The following MACROH2A2 variants were observed in gnomAD, a reference collection of about 807,000 sequenced individuals.
MACROH2A2 encodes the protein core histone macro-H2A.2.
MACROH2A2 carries 6 observed loss-of-function variants against 37.6 expected under a neutral mutation model. The ratio of observed to expected loss-of-function variants is 0.16; its 90% CI spans 0.09 to 0.32. MACROH2A2 has a LOEUF of 0.32. MACROH2A2 is among the 10% of genes least tolerant of loss of function. The pLI is 1.00. For missense variants in MACROH2A2, 290 were observed against 485.9 expected (o/e 0.60, Z 3.79); for synonymous variants, 192 against 202.7 (o/e 0.95, Z 0.45).
At chr10:70,108,311 A>G (rs2072349886) in intron 7 of MACROH2A2, among the ~76,000 whole-genome samples, 1 of 152,212 alleles carries the variant, frequency 6.6e-6, no homozygotes, top group South Asian at 2.1e-4. Flanking sequence ...AGACAACACA[A>G]ATTTGTCTTC....
chr10:70,059,411 C>T (rs1589829662), intron 1 of MACROH2A2, among the ~76,000 whole-genome samples: 2 of 150,566 alleles, frequency 1.3e-5, no homozygotes, highest in African/African-American at 2.4e-5. Context: ...CTCACTCTGT[C>T]ACCCAGGCTG....
intron 1 of MACROH2A2, among the ~76,000 whole-genome samples, chr10:70,068,783 T>G (rs1564541237): frequency 1.3e-5 from 2 of 152,228 alleles, no homozygotes; most frequent in Non-Finnish European, 2.9e-5. Context: ...TTCTGTGGGT[T>G]TGTTGATTGC....
chr10:70,077,190 T>A (rs545000479), intron 2 of MACROH2A2, among the ~76,000 whole-genome samples: 2 of 152,244 alleles, frequency 1.3e-5, no homozygotes, highest in African/African-American at 2.4e-5. Context: ...ATGATGCTGC[T>A]GGTCCAGGGA....
At chr10:70,081,788 T>C (rs1244303234) in intron 2 of MACROH2A2, among the ~76,000 whole-genome samples, 4 of 152,116 alleles carry the variant, frequency 2.6e-5, no homozygotes, top group Non-Finnish European at 5.9e-5. Context: ...AAATGTAAAA[T>C]GGTGCAGCCT....
intron 5 of MACROH2A2, among the ~76,000 whole-genome samples, chr10:70,094,139 C>G (rs2136637134): frequency 6.6e-6 from 1 of 151,000 alleles, no homozygotes; most frequent in South Asian, 2.1e-4. Context: ...TTCCCCACAC[C>G]CCAGTTATTT....
At chr10:70,095,240 C>T (rs2072267916) in intron 5 of MACROH2A2, among the ~76,000 whole-genome samples, 2 of 152,036 alleles carry the variant, frequency 1.3e-5, no homozygotes, top group African/African-American at 2.4e-5. Flanking sequence ...TGGTGGCGGG[C>T]GCCTGTAGTC....
intron 7 of MACROH2A2, among the ~76,000 whole-genome samples, chr10:70,101,245 C>T (rs1007738573): frequency 1.1e-4 from 16 of 152,292 alleles, no homozygotes; most frequent in South Asian, 1.0e-3. Context: ...AAAGGGCAAG[C>T]GCATGATCTA....
At chr10:70,111,017 C>A (rs1466591382) in intron 8 of MACROH2A2, among the ~76,000 whole-genome samples, 1 of 152,156 alleles carries the variant, frequency 6.6e-6, no homozygotes, top group African/African-American at 2.4e-5. Context: ...ACCTGTAATC[C>A]CAGCACTTTG....
rs565441971 is a variant in MACROH2A2, at chr10:70,070,224, C to T, written c.-59-5376C>T. ...GGCAGGCATAGAGGACTCTCCAGTC[C>T]TGCTTAAAATACATGCATAAGTCAG... On this transcript the variant is annotated intron_variant, in intron 1 of 8. Coordinates refer to ENST00000373255, the MANE Select transcript of MACROH2A2 (RefSeq NM_018649.3). 4.5e-4 allele frequency among the ~76,000 whole-genome samples: 68 copies of T among 152,246 alleles called. 1 individual carries two copies. In the South Asian group the frequency reaches 7.7e-3, roughly 17 times the overall value.
chr10:70,053,933 C>T lies in MACROH2A2; in HGVS notation c.-60+933C>T, dbSNP rs886890419. ...CGCCGTGCGTATCGCTCGCGGGGCG[C>T]GGCGGTTGGGGACCAGCCCTGCCTC... On this transcript the variant is annotated intron_variant, in intron 1 of 8. Coordinates refer to ENST00000373255, the MANE Select transcript of MACROH2A2 (RefSeq NM_018649.3). The surrounding 1 kb of genome is among the most constrained non-coding windows in gnomAD (Gnocchi z 4.8). Among the ~76,000 whole-genome samples the T allele has an allele frequency of 2.0e-5, 3 of 152,208 alleles. No individual in the cohort carries two copies. The highest frequency in any genetic ancestry group is 7.2e-5 in the African/African-American group (3 of 41,462).
intron 7 of MACROH2A2, among the ~76,000 whole-genome samples, chr10:70,104,256 C>G (rs891143191): frequency 6.6e-6 from 1 of 151,874 alleles, no homozygotes; most frequent in Non-Finnish European, 1.5e-5. Context: ...AATAGGAGGC[C>G]CCACATAAAG....
At position 70,075,756 on chromosome 10, in the gene MACROH2A2, A is replaced by G; in HGVS notation, c.98A>G (p.Lys33Arg). The G allele has an allele frequency of 6.2e-7, 1 of 1,614,108 alleles. No homozygotes were observed. Among genetic ancestry groups the G allele is most frequent in the Non-Finnish European group, 8.5e-7 (1 of 1,180,000 alleles). Reference protein sequence around the residue: ...FPVGRLMRYLKKGTFKYRISV... With the variant: ...FPVGRLMRYLRKGTFKYRISV... ...GTGGGGAGGCTGATGCGTTATCTGA[A>G]GAAAGGGACGTTCAAGTACCGGATC... The change falls in exon 2 of 9, where the codon AAG becomes AGG. Residue 33 changes from lysine (K) to arginine (R), a missense_variant. This residue lies in a region of MACROH2A2 where 83 missense variants were observed against 159.9 expected (regional missense o/e 0.52). Coordinates refer to ENST00000373255, the MANE Select transcript of MACROH2A2 (RefSeq NM_018649.3). This position sits in a 1 kb window ranked among gnomAD's most constrained non-coding sequence, Gnocchi z 5.0.
At chr10:70,092,402 G>A (rs963477005) in intron 4 of MACROH2A2, among the ~76,000 whole-genome samples, 21 of 152,200 alleles carry the variant, frequency 1.4e-4, no homozygotes, top group African/African-American at 5.1e-4. Context: ...CACTGCACTC[G>A]AGCCTCGGTG....
At position 70,111,926 on chromosome 10, in the gene MACROH2A2, T is replaced by A. The variant is rs958056674; in HGVS notation, c.*243T>A. The A allele has an allele frequency of 2.9e-6, 1 of 339,956 alleles. No homozygotes were observed. Among genetic ancestry groups the A allele is most frequent in the Non-Finnish European group, 5.3e-6 (1 of 189,238 alleles). The allele number at this position is 339,956 out of a possible 1,614,324, so 21.1% of individuals were successfully genotyped here. A position where few individuals can be genotyped will look rare whatever the true frequency, so the allele number is the denominator to read the frequency against. Reference sequence around the variant, plus strand: ...TCCTCCTGTTGTTTTAGAACTTTTTTAAAAAAACAGACCTCGTTTTAGATT... The same window carrying A: ...TCCTCCTGTTGTTTTAGAACTTTTTAAAAAAAACAGACCTCGTTTTAGATT... On this transcript the variant is annotated 3_prime_UTR_variant, in exon 9 of 9. Coordinates refer to ENST00000373255, the MANE Select transcript of MACROH2A2 (RefSeq NM_018649.3).
chr10:70,075,772 G>A lies in MACROH2A2; in HGVS notation c.114G>A (p.Lys38=), dbSNP rs147775415. The A allele has an allele frequency of 2.3e-3, 3,635 of 1,614,108 alleles. 13 individuals are homozygous for A. Among genetic ancestry groups the A allele is most frequent in the Non-Finnish European group, 2.7e-3 (3,203 of 1,179,996 alleles). The change falls in exon 2 of 9, where the codon AAG becomes AAA. Residue 38 remains lysine, a synonymous_variant. Coordinates refer to ENST00000373255, the MANE Select transcript of MACROH2A2 (RefSeq NM_018649.3). This position sits in a 1 kb window ranked among gnomAD's most constrained non-coding sequence, Gnocchi z 5.0. The stretch of plus-strand genomic sequence containing the variant: ...GTTATCTGAAGAAAGGGACGTTCAA[G>A]TACCGGATCAGCGTGGGCGCCCCTG... ...LMRYLKKGTF[K]YRISVGAPVY... is the part of the protein sequence containing the mutation.
At chr10:70,081,415 C>T (rs1004052009) in intron 2 of MACROH2A2, among the ~76,000 whole-genome samples, 3 of 151,934 alleles carry the variant, frequency 2.0e-5, no homozygotes, top group East Asian at 1.9e-4. Context: ...AGAGAGAGCA[C>T]AGGACCCAGC....
At chr10:70,070,006 C>G (rs2072100014) in intron 1 of MACROH2A2, among the ~76,000 whole-genome samples, 1 of 152,140 alleles carries the variant, frequency 6.6e-6, no homozygotes. Flanking sequence ...AGCACTTCCT[C>G]CCGTCGGTGG....
chr10:70,079,555 G>GCA (rs1458721830), intron 2 of MACROH2A2, among the ~76,000 whole-genome samples: 2 of 107,910 alleles, frequency 1.9e-5, no homozygotes, highest in African/African-American at 4.2e-5. Flanking sequence ...GAGGGTTCGC[G>GCA]CGCGCGCGCG....
At chr10:70,085,639 C>T (rs894886192) in intron 2 of MACROH2A2, among the ~76,000 whole-genome samples, 13 of 152,196 alleles carry the variant, frequency 8.5e-5, no homozygotes. Flanking sequence ...ATGAGCTTTA[C>T]AGCATCCCTT....
Sources: allele counts gnomAD v4.1 joint callset (sites outside exome capture counted in the v4.1 genomes callset), GRCh38; gene constraint gnomAD v4.1.1; regional missense constraint gnomAD v4.1.1; non-coding constraint Gnocchi (gnomAD v3.1); transcripts MANE v1.5; gene names NCBI Gene and HGNC (gene_info 2026-07-23, HGNC 2026-07-21).